PLCL1: variants seen among roughly 807,000 people sequenced by gnomAD.
The protein encoded by PLCL1 is inactive phospholipase C-like protein 1.
Under a neutral mutation model 84.4 loss-of-function variants are expected in PLCL1, and 41 were observed. That is an observed-to-expected ratio of 0.49 (90% CI 0.38 to 0.63). PLCL1 has a LOEUF of 0.63. Among genes scored for constraint, PLCL1 ranks in the 30% least tolerant of loss-of-function variants. The pLI is 0.00. For synonymous variants in PLCL1, 490 were observed against 488.3 expected (o/e 1.00, Z -0.05); for missense variants, 1,206 against 1,367.8 (o/e 0.88, Z 1.87).
At chr2:197,954,437 C>CT (rs1184114079) in intron 1 of PLCL1, among the ~76,000 whole-genome samples, 1 of 152,036 alleles carries the variant, frequency 6.6e-6, no homozygotes, top group Non-Finnish European at 1.5e-5. Context: ...GTTAGTTTCT[C>CT]AGATGTCTTG....
intron 5 of PLCL1, among the ~76,000 whole-genome samples, chr2:198,126,769 G>A (rs1693996174): frequency 6.6e-6 from 1 of 152,094 alleles, no homozygotes; most frequent in African/African-American, 2.4e-5. Flanking sequence ...GCTGGGCATG[G>A]TGGCACATAT....
chr2:198,054,592 G>T (rs554877693), intron 1 of PLCL1, among the ~76,000 whole-genome samples: 1 of 152,304 alleles, frequency 6.6e-6, no homozygotes, highest in South Asian at 2.1e-4. Context: ...TTTGCCAGTT[G>T]GGCAGCAGCT....
chr2:197,966,076 A>C (rs1486670640), intron 1 of PLCL1, among the ~76,000 whole-genome samples: 1 of 152,042 alleles, frequency 6.6e-6, no homozygotes, highest in Non-Finnish European at 1.5e-5. Context: ...TCATCTGGGC[A>C]TCCAGGAGAT....
intron 1 of PLCL1, among the ~76,000 whole-genome samples, chr2:197,945,771 G>A (rs1368100463): frequency 6.6e-6 from 1 of 152,160 alleles, no homozygotes; most frequent in Non-Finnish European, 1.5e-5. Flanking sequence ...AGCATAATAA[G>A]TGCTAGATAA....
chr2:197,924,239 C>G (rs779388344), intron 1 of PLCL1, among the ~76,000 whole-genome samples: 4 of 151,952 alleles, frequency 2.6e-5, no homozygotes, highest in African/African-American at 7.3e-5. Context: ...TTACCCTAGC[C>G]GTAGGCCTGA....
At chr2:197,967,663 T>A (rs1689771842) in intron 1 of PLCL1, among the ~76,000 whole-genome samples, 1 of 152,184 alleles carries the variant, frequency 6.6e-6, no homozygotes, top group Admixed American at 6.5e-5. Flanking sequence ...GTCAGAAAAG[T>A]TATGTCTGCC....
Position 197,871,941 on chromosome 2 carries a change from T to C in PLCL1, c.240+66602T>C, listed in dbSNP as rs881797. Among the ~76,000 whole-genome samples, 1,125 of 152,224 alleles carry C rather than the reference T, an allele frequency of 7.4e-3. 29 individuals are homozygous for C. Among genetic ancestry groups the C allele is most frequent in the East Asian group, 0.064 (333 of 5,170 alleles). On this transcript the variant is annotated intron_variant, in intron 1 of 5. Transcript: ENST00000428675. Reference sequence around the variant, plus strand: ...AGGCTCTCTAATAAACCCAAGGACATGCTTTCTGTGGGAAAGAAGTGGGGG... The same window carrying C: ...AGGCTCTCTAATAAACCCAAGGACACGCTTTCTGTGGGAAAGAAGTGGGGG...
At position 198,086,094 on chromosome 2, in the gene PLCL1, C is replaced by T; in HGVS notation, c.2577C>T (p.Arg859=). 1 of 1,614,074 alleles carries T rather than the reference C, an allele frequency of 6.2e-7. No individual in the cohort carries two copies. The highest frequency in any genetic ancestry group is 2.2e-5 in the East Asian group (1 of 44,872). The change falls in exon 2 of 6, where the codon CGC becomes CGT. Residue 859 remains arginine, a synonymous_variant. Transcript: ENST00000428675. ...GTGGAGGAGGAAAGGCACAGAAGCG[C>T]AGTCTTTCAGTGAGAATGGGGAAGA... ...NRSGGGKAQK[R]SLSVRMGKKV... is the part of the protein sequence containing the mutation.
At chr2:197,890,831 GC>G (rs1688011107) in intron 1 of PLCL1, among the ~76,000 whole-genome samples, 1 of 24,600 alleles carries the variant, frequency 4.1e-5, no homozygotes, top group Admixed American at 3.0e-4. Context: ...ATACATATAT[GC>G]ATATATATAT....
chr2:197,812,554 A>G (rs1243107011), intron 1 of PLCL1, among the ~76,000 whole-genome samples: 2 of 152,222 alleles, frequency 1.3e-5, no homozygotes, highest in Non-Finnish European at 1.5e-5. Flanking sequence ...AGTAATGATG[A>G]GCATTTTAAA....
At chr2:197,851,413 A>G (rs1170752298) in intron 1 of PLCL1, among the ~76,000 whole-genome samples, 2 of 152,228 alleles carry the variant, frequency 1.3e-5, no homozygotes, top group Non-Finnish European at 2.9e-5. Flanking sequence ...AGTTTTTTCT[A>G]TTGCACAGTG....
At chr2:198,028,882 A>G (rs1003855283) in intron 1 of PLCL1, among the ~76,000 whole-genome samples, 1 of 151,990 alleles carries the variant, frequency 6.6e-6, no homozygotes, top group Non-Finnish European at 1.5e-5. Flanking sequence ...TCTGTTTTTT[A>G]CAGAAGATAC....
chr2:197,996,636 C>T lies in PLCL1; in HGVS notation c.241-87122C>T, dbSNP rs190535615. On this transcript the variant is annotated intron_variant, in intron 1 of 5. Transcript: ENST00000428675. ...ATTAAAAAAAAAAGCCAGTGAAGATCAGTTATGTGCATAGCAGCTATACTT... is the reference window on the plus strand; with the variant it reads ...ATTAAAAAAAAAAGCCAGTGAAGATTAGTTATGTGCATAGCAGCTATACTT... Among the ~76,000 whole-genome samples the T allele has an allele frequency of 1.1e-3, 169 of 151,942 alleles. 1 individual carries two copies. The highest frequency in any genetic ancestry group is 1.4e-3 in the Non-Finnish European group (95 of 67,980).
At chr2:198,115,348 G>A (rs1471455823) in intron 5 of PLCL1, among the ~76,000 whole-genome samples, 1 of 151,812 alleles carries the variant, frequency 6.6e-6, no homozygotes, top group African/African-American at 2.4e-5. Context: ...GCAAGAAAGG[G>A]AATTTGAAAG....
chr2:197,841,403 A>G (rs549414246), intron 1 of PLCL1, among the ~76,000 whole-genome samples: 2 of 152,272 alleles, frequency 1.3e-5, no homozygotes, highest in Non-Finnish European at 2.9e-5. Flanking sequence ...GACAACCACT[A>G]GTCTTTTCAC....
In PLCL1 at chr2:197,972,549, C is replaced by A. The variant is rs557840880; in HGVS notation, c.241-111209C>A. On this transcript the variant is annotated intron_variant, in intron 1 of 5. Coordinates refer to ENST00000428675, the MANE Select transcript of PLCL1 (RefSeq NM_006226.4). ...GAAATTATCCTTCATCATCAGTTCA[C>A]TTTTATCCATCTTTAAAAATGTACA... Among the ~76,000 whole-genome samples the A allele has an allele frequency of 9.3e-4, 142 of 152,258 alleles. 1 individual carries two copies. Among genetic ancestry groups the A allele is most frequent in the Admixed American group, 8.8e-3 (134 of 15,288 alleles).
chr2:198,123,500 TAGAC>T (rs1248360380), intron 5 of PLCL1, among the ~76,000 whole-genome samples: 1 of 151,860 alleles, frequency 6.6e-6, no homozygotes, highest in Non-Finnish European at 1.5e-5. Flanking sequence ...AATTTAGACT[TAGAC>T]AGGTACAGAA....
intron 1 of PLCL1, among the ~76,000 whole-genome samples, chr2:197,936,254 A>T (rs1308142097): frequency 1.3e-5 from 2 of 151,550 alleles, no homozygotes; most frequent in Admixed American, 1.3e-4. Context: ...CAGCATATTG[A>T]TTTCATTTCC....
chr2:198,002,932 T>C (rs1353468376), intron 1 of PLCL1, among the ~76,000 whole-genome samples: 2 of 152,214 alleles, frequency 1.3e-5, no homozygotes, highest in Admixed American at 1.3e-4. Context: ...GGGAAGCCCA[T>C]ATTTGCAATC....
Sources: gnomAD v4.1 joint callset for allele counts (sites outside exome capture counted in the v4.1 genomes callset) on GRCh38, gnomAD v4.1.1 for gene constraint, MANE v1.5 for transcripts, NCBI Gene and HGNC (gene_info 2026-07-23, HGNC 2026-07-21) for gene names.